SAXO1: variants seen among roughly 807,000 people sequenced by gnomAD.
SAXO1 encodes the protein 4930500O09Rik.
Under a neutral mutation model 17.5 loss-of-function variants are expected in SAXO1, and 21 were observed. That is an observed-to-expected ratio of 1.20 (90% CI 0.85 to 1.72). The LOEUF (loss-of-function observed/expected upper bound fraction) is 1.72, where lower values mean the gene tolerates loss of function less well. Among genes scored for constraint, SAXO1 ranks in the 40% most tolerant of loss-of-function variants. The pLI is 0.00. For missense variants in SAXO1, 843 were observed against 596.0 expected, an observed-to-expected ratio of 1.41 and a Z score of -4.32; for synonymous variants, 274 against 216.5, an observed-to-expected ratio of 1.27 and a Z score of -2.33.
intron 1 of SAXO1, among the ~76,000 whole-genome samples, chr9:18,995,301 T>C (rs1172768043): frequency 2.0e-5 from 3 of 152,232 alleles, no homozygotes; most frequent in African/African-American, 7.2e-5. Context: ...TCTCTCAGGC[T>C]GAAGCTGGCA....
Position 18,990,165 on chromosome 9 carries a change from G to C in SAXO1, c.39-39228C>G, listed in dbSNP as rs543105078. Among the ~76,000 whole-genome samples, 46 of 103,330 alleles carry C rather than the reference G, an allele frequency of 4.5e-4. 1 individual carries two copies. In the South Asian group the frequency reaches 0.013, roughly 30 times the overall value. 67.8% of individuals were successfully genotyped at this position (103,330 alleles called of 152,430 possible). ...CCTGCGCACACCAAGCAGGAGTCAT[G>C]GACTTTTTTTTTTTTTTTCCTAACA... On this transcript the variant is annotated intron_variant, in intron 1 of 3. Coordinates refer to ENST00000380534, the MANE Select transcript of SAXO1 (RefSeq NM_153707.4).
At chr9:19,004,042 A>C (rs143348154) in intron 1 of SAXO1, among the ~76,000 whole-genome samples, 1,681 of 152,274 alleles carry the variant, frequency 0.011, 23 homozygotes, top group African/African-American at 0.039. Flanking sequence ...ATTTACAACA[A>C]AAAAAACAAC....
At chr9:19,047,070 C>T (rs1025482574) in intron 1 of SAXO1, among the ~76,000 whole-genome samples, 16 of 152,158 alleles carry the variant, frequency 1.1e-4, no homozygotes, top group Non-Finnish European at 1.9e-4. Flanking sequence ...ATCTGTAATA[C>T]CAGCTACTCG....
intron 1 of SAXO1, among the ~76,000 whole-genome samples, chr9:19,048,033 C>T (rs190013847): frequency 4.1e-4 from 62 of 152,304 alleles, no homozygotes; most frequent in African/African-American, 1.4e-3. Context: ...TGGAATTTCA[C>T]TCTATGATTT....
chr9:19,015,574 C>T (rs181702968), intron 1 of SAXO1, among the ~76,000 whole-genome samples: 5 of 151,830 alleles, frequency 3.3e-5, no homozygotes, highest in African/African-American at 1.2e-4. Context: ...AAACTCCTAA[C>T]CTCGAGTGAT....
In SAXO1 at chr9:19,012,438, T is replaced by A. The variant is rs372767141; in HGVS notation, c.38+20433A>T. On this transcript the variant is annotated intron_variant, in intron 1 of 3. Transcript: ENST00000380534. ...GTAATAGACAACTGTAAATAGGACC[T>A]AGAGTGAAAAATGCTACATGTGAAT... Among the ~76,000 whole-genome samples the A allele has an allele frequency of 1.5e-3, 225 of 152,334 alleles. 6 individuals are homozygous for A. In the South Asian group the frequency reaches 0.046, roughly 31 times the overall value.
At chr9:19,017,906 G>T (rs765306983) in intron 1 of SAXO1, among the ~76,000 whole-genome samples, 4 of 152,170 alleles carry the variant, frequency 2.6e-5, no homozygotes, top group South Asian at 2.1e-4. Context: ...AGTGGCTCAC[G>T]CTTGTAATCC....
intron 1 of SAXO1, among the ~76,000 whole-genome samples, chr9:19,011,070 T>C (rs1834713212): frequency 1.3e-5 from 2 of 152,230 alleles, no homozygotes; most frequent in African/African-American, 2.4e-5. Context: ...TGCTTTCTAA[T>C]TGTTTTATGT....
intron 1 of SAXO1, among the ~76,000 whole-genome samples, chr9:19,010,267 C>T (rs1834673807): frequency 6.6e-6 from 1 of 152,178 alleles, no homozygotes; most frequent in Admixed American, 6.5e-5. Context: ...CAACCAGTGC[C>T]ACGTGCAGTA....
intron 1 of SAXO1, among the ~76,000 whole-genome samples, chr9:19,021,567 G>A (rs1835235168): frequency 6.6e-6 from 1 of 152,176 alleles, no homozygotes; most frequent in Non-Finnish European, 1.5e-5. Context: ...GAATCCCACT[G>A]TCTGAGGATC....
intron 1 of SAXO1, among the ~76,000 whole-genome samples, chr9:19,030,670 C>T (rs62560457): frequency 0.29 from 44,033 of 151,402 alleles, 7,200 homozygotes; most frequent in African/African-American, 0.45. Context: ...CGCGCCACTG[C>T]ACGACAGAGT....
chr9:18,983,275 A>C (rs1195570498), intron 1 of SAXO1, among the ~76,000 whole-genome samples: 1 of 152,166 alleles, frequency 6.6e-6, no homozygotes, highest in Non-Finnish European at 1.5e-5. Flanking sequence ...CATGTCTTAC[A>C]TGGCAGCAGG....
chr9:18,951,672 G>A (rs1475194292), intron 1 of SAXO1, among the ~76,000 whole-genome samples: 1 of 152,104 alleles, frequency 6.6e-6, no homozygotes, highest in African/African-American at 2.4e-5. Flanking sequence ...CCCTGTGTAT[G>A]CCTGTCCCAT....
intron 1 of SAXO1, among the ~76,000 whole-genome samples, chr9:19,011,068 A>C (rs114601035): frequency 2.3e-3 from 354 of 152,258 alleles, no homozygotes; most frequent in African/African-American, 8.0e-3. Flanking sequence ...ATTGCTTTCT[A>C]ATTGTTTTAT....
At chr9:19,000,830 A>T (rs574086812) in intron 1 of SAXO1, among the ~76,000 whole-genome samples, 1 of 152,366 alleles carries the variant, frequency 6.6e-6, no homozygotes, top group East Asian at 1.9e-4. Flanking sequence ...AAAGATCAAA[A>T]GAGACAAAGA....
intron 1 of SAXO1, among the ~76,000 whole-genome samples, chr9:18,989,696 TC>T (rs1392350068): frequency 1.3e-5 from 2 of 152,144 alleles, no homozygotes; most frequent in African/African-American, 4.8e-5. Context: ...AACATCAAAT[TC>T]ACTTCAGACC....
chr9:18,964,603 A>G (rs1436463503), intron 1 of SAXO1, among the ~76,000 whole-genome samples: 2 of 152,100 alleles, frequency 1.3e-5, no homozygotes, highest in Admixed American at 6.6e-5. Context: ...ATCAGTGGTG[A>G]TATTCCCTTT....
intron 1 of SAXO1, among the ~76,000 whole-genome samples, chr9:18,998,277 C>T (rs7028936): frequency 1.3e-5 from 2 of 151,734 alleles, no homozygotes; most frequent in East Asian, 1.9e-4. Context: ...TAAATGACCT[C>T]GTGGATCTGA....
chr9:19,048,328 G>T (rs1836268450), intron 1 of SAXO1, among the ~76,000 whole-genome samples: 1 of 152,096 alleles, frequency 6.6e-6, no homozygotes, highest in Non-Finnish European at 1.5e-5. Flanking sequence ...GTGGTGGCAG[G>T]TGCCCACAAT....
Sources: allele counts gnomAD v4.1 joint callset (sites outside exome capture counted in the v4.1 genomes callset), GRCh38; gene constraint gnomAD v4.1.1; transcripts MANE v1.5; gene names NCBI Gene and HGNC (gene_info 2026-07-23, HGNC 2026-07-21).